ERICH6: variants seen among roughly 807,000 people sequenced by gnomAD.
ERICH6 encodes the protein glutamate rich 6.
A neutral mutation model predicts 71.0 loss-of-function variants in ERICH6; 71 were observed. The observed-to-expected ratio is 1.00, with a 90% CI of 0.83 to 1.22. The LOEUF is 1.22. Ranked by LOEUF, ERICH6 falls within the 50% of genes most tolerant of loss-of-function variation. The pLI is 0.00. For missense variants in ERICH6, 808 were observed against 797.2 expected, an observed-to-expected ratio of 1.01 and a Z score of -0.16; for synonymous variants, 262 against 278.4, an observed-to-expected ratio of 0.94 and a Z score of 0.59.
At chr3:150,699,302 C>T (rs1438086530) in intron 2 of ERICH6, among the ~76,000 whole-genome samples, 2 of 152,162 alleles carry the variant, frequency 1.3e-5, no homozygotes, top group Non-Finnish European at 2.9e-5. Context: ...CAGAGCAAGG[C>T]TCTATCTCAA....
chr3:150,674,073 T>C, intron 10 of ERICH6, 32 bp from the exon 11 acceptor site: 2 of 1,586,120 alleles, frequency 1.3e-6, no homozygotes, highest in South Asian at 1.1e-5. Flanking sequence ...AGACACTTAA[T>C]TGTTTCGGAC....
At chr3:150,676,694 GT>G (rs1657744539) in intron 10 of ERICH6, among the ~76,000 whole-genome samples, 1 of 152,066 alleles carries the variant, frequency 6.6e-6, no homozygotes, top group African/African-American at 2.4e-5. Flanking sequence ...CCAGGCTGGA[GT>G]GCATGATCAT....
Position 150,669,412 on chromosome 3 carries a change from G to A in ERICH6, c.1383C>T (p.Asn461=). The A allele has an allele frequency of 1.2e-6, 2 of 1,613,700 alleles. No homozygotes were observed. Among genetic ancestry groups the A allele is most frequent in the Non-Finnish European group, 1.7e-6 (2 of 1,179,856 alleles). ...SGNLAIIRVP[N]KVNGFTCIVQ... ...CTATACAAGTAAAACCATTTACCTT[G>A]TTGGGCACTCGAATGATGGCTAGGT... is the stretch of plus-strand genomic sequence containing the variant. The change falls in exon 12 of 14, where the codon AAC becomes AAT. Residue 461 remains asparagine, a synonymous_variant. Transcript: ENST00000295910.
chr3:150,685,623 G>A, intron 6 of ERICH6, 119 bp downstream of exon 6: 1 of 850,166 alleles, frequency 1.2e-6, no homozygotes, highest in Non-Finnish European at 1.8e-6. Context: ...AAGTAATTGA[G>A]CTCTTTGGCT....
intron 10 of ERICH6, among the ~76,000 whole-genome samples, chr3:150,677,493 GA>G (rs942568763): frequency 6.6e-4 from 100 of 150,484 alleles, no homozygotes; most frequent in South Asian, 2.1e-3. Flanking sequence ...ATAATATCAT[GA>G]AAAAAAAATT....
In ERICH6 at chr3:150,682,252, G is replaced by GA. The variant is rs1393598116; in HGVS notation, c.847dup (p.Ser283PhefsTer2). The GA allele has an allele frequency of 2.5e-6, 4 of 1,613,770 alleles. No individual in the cohort carries two copies. The highest frequency in any genetic ancestry group is 3.4e-6 in the Non-Finnish European group (4 of 1,179,970). On this transcript the variant is annotated frameshift_variant, in exon 7 of 14. Transcript: ENST00000295910. LOFTEE classifies it high-confidence loss of function. ...TGGTTCAGAGGAAACATCCACATTA[G>GA]AAAAAAATGCTCTTAGATCGCTGCC...
chr3:150,686,313 C>A lies in ERICH6; in HGVS notation c.595G>T (p.Ala199Ser). Residue 199 changes from alanine (A) to serine (S), a missense_variant, in exon 4 of 14, where the codon GCA becomes TCA. This residue lies in a region of ERICH6 where 736 missense variants were observed against 712.2 expected (regional missense o/e 1.03). Transcript: ENST00000295910. ...SKEKAEPECL[A>S]SKLREKWVIN... ...ATGTATTTACCTCTTAACTTAGATG[C>A]CAGACATTCAGGTTCAGCTTTCTCT... 6.2e-7 allele frequency: 1 copy of A among 1,614,176 alleles called. No individual in the cohort carries two copies. Among genetic ancestry groups the A allele is most frequent in the Non-Finnish European group, 8.5e-7 (1 of 1,180,024 alleles).
intron 6 of ERICH6, among the ~76,000 whole-genome samples, chr3:150,683,443 G>A (rs1461100033): frequency 1.3e-5 from 2 of 152,102 alleles, no homozygotes; most frequent in Non-Finnish European, 2.9e-5. Context: ...CTCAGCTAGG[G>A]GTGAAGCAAG....
chr3:150,662,315 G>A lies in ERICH6; in HGVS notation c.1729-2160C>T, dbSNP rs555073238. 3.9e-5 allele frequency among the ~76,000 whole-genome samples: 6 copies of A among 152,210 alleles called. No homozygotes were observed. The East Asian group carries it at 9.6e-4, about 24-fold the overall frequency. On this transcript the variant is annotated intron_variant, in intron 13 of 13. Coordinates refer to ENST00000295910, the MANE Select transcript of ERICH6 (RefSeq NM_152394.5). ...ATCACAGAGCTTCAAAATATATACG[G>A]CAAAAGTTGATTGAAATACTAGAAA... is the stretch of plus-strand genomic sequence containing the variant.
intron 6 of ERICH6, 33 bp from the exon 7 acceptor site, chr3:150,682,349 C>T (rs1712000460): frequency 3.9e-6 from 6 of 1,550,356 alleles, no homozygotes; most frequent in South Asian, 3.4e-5. Flanking sequence ...TTAAAGAAGT[C>T]CCCACAAAGA....
At chr3:150,679,035 CAAAAAAAAAAAA>C (rs1160094551) in intron 9 of ERICH6, among the ~76,000 whole-genome samples, 2 of 65,224 alleles carry the variant, frequency 3.1e-5, no homozygotes, top group East Asian at 4.0e-4. Context: ...GACTCTGTCT[CAAAAAAAAAAAA>C]AAAAAAAAAA....
intron 3 of ERICH6, among the ~76,000 whole-genome samples, chr3:150,690,252 C>T (rs912405073): frequency 1.3e-5 from 2 of 152,158 alleles, no homozygotes; most frequent in Admixed American, 6.6e-5. Flanking sequence ...CTCTAGCACA[C>T]CAGACTTTTT....
Position 150,668,786 on chromosome 3 carries a change from T to C in ERICH6, c.1499+510A>G, listed in dbSNP as rs115848574. 9.4e-3 allele frequency among the ~76,000 whole-genome samples: 1,433 copies of C among 152,340 alleles called. 14 individuals carry two copies. Among genetic ancestry groups the C allele is most frequent in the South Asian group, 0.012 (57 of 4,832 alleles). On this transcript the variant is annotated intron_variant, in intron 12 of 13. Transcript: ENST00000295910. ...CAGAGTATATACATAGTAGGTTAAA[T>C]TGGGACCAGGATCTTAATTTCTCTG... is the stretch of plus-strand genomic sequence containing the variant.
chr3:150,678,361 A>T (rs750405348), intron 10 of ERICH6, 48 bp downstream of exon 10: 1 of 1,520,350 alleles, frequency 6.6e-7, no homozygotes, highest in Admixed American at 2.4e-5. Flanking sequence ...TTTTAGGTAA[A>T]ACTGGTTTTT....
At position 150,659,990 on chromosome 3, in the gene ERICH6, A is replaced by G; in HGVS notation, c.1894T>C (p.Ser632Pro). The G allele has an allele frequency of 6.2e-7, 1 of 1,614,208 alleles. No homozygotes were observed. Among genetic ancestry groups the G allele is most frequent in the Non-Finnish European group, 8.5e-7 (1 of 1,180,034 alleles). ...WEKLKQPSYL[S>P]SLSLKLIALC... ...GCAATTAGTTTTAGAGAAAGTGAAG[A>G]AAGGTAGGAAGGTTGCTTTAATTTT... The change falls in exon 14 of 14, where the codon TCT (serine) becomes CCT (proline). Residue 632 changes from serine (S) to proline (P), a missense_variant. By Grantham distance (74) the Ser-to-Pro change is moderately conservative. Around this residue, in one of 3 missense-constraint regions of ERICH6, gnomAD observed 736 missense variants for 712.2 expected, o/e 1.03. Coordinates refer to ENST00000295910, the MANE Select transcript of ERICH6 (RefSeq NM_152394.5).
intron 3 of ERICH6, 83 bp from the exon 4 acceptor site, chr3:150,686,437 A>G: frequency 9.1e-7 from 1 of 1,098,308 alleles, no homozygotes; most frequent in Non-Finnish European, 1.4e-6. Context: ...CTCTCAGAAA[A>G]ATAACTACCC....
chr3:150,684,349 T>C (rs1712092302), intron 6 of ERICH6, among the ~76,000 whole-genome samples: 1 of 152,226 alleles, frequency 6.6e-6, no homozygotes, highest in African/African-American at 2.4e-5. Flanking sequence ...ATATACTTAA[T>C]GTTTCCCCTC....
chr3:150,693,337 T>C (rs1695079183), intron 3 of ERICH6, among the ~76,000 whole-genome samples: 1 of 152,240 alleles, frequency 6.6e-6, no homozygotes, highest in Admixed American at 6.5e-5. Context: ...CAAATCTGAC[T>C]TATGGATCCA....
intron 11 of ERICH6, among the ~76,000 whole-genome samples, chr3:150,672,424 CCT>C (rs1711512693): frequency 6.6e-6 from 1 of 151,552 alleles, no homozygotes; most frequent in Admixed American, 6.6e-5. Context: ...ATAGCGAAAC[CCT>C]GTCTCTACTA....
Sources: gnomAD v4.1 joint callset for allele counts (sites outside exome capture counted in the v4.1 genomes callset) on GRCh38, gnomAD v4.1.1 for gene constraint, gnomAD v4.1.1 regional missense constraint, MANE v1.5 for transcripts, NCBI Gene and HGNC (gene_info 2026-07-23, HGNC 2026-07-21) for gene names.